Variants in TM4SF19 observed in about 807,000 individuals in gnomAD.
The protein encoded by TM4SF19 is transmembrane 4 L6 family member 19.
Under a neutral mutation model 21.8 loss-of-function variants are expected in TM4SF19, and 17 were observed. The observed-to-expected ratio is 0.78, with a 90% CI of 0.53 to 1.17. TM4SF19 has a LOEUF of 1.17. TM4SF19 is among the 50% of genes most tolerant of loss of function. The pLI is 0.00. For synonymous variants in TM4SF19, 107 were observed against 106.7 expected, an observed-to-expected ratio of 1.00 and a Z score of -0.02; for missense variants, 216 against 252.1, an observed-to-expected ratio of 0.86 and a Z score of 0.97.
Position 196,323,761 on chromosome 3 carries a change from G to T in TM4SF19, c.*56C>A, listed in dbSNP as rs567767623. On this transcript the variant is annotated 3_prime_UTR_variant, in exon 5 of 5. Transcript: ENST00000273695. ...ATTCGTACCCACTCCTTGTAGAAAG[G>T]ATTCAAGACAGCCGATGATGAAAAC... 1.9e-6 allele frequency: 3 copies of T among 1,613,842 alleles called. No homozygotes were observed. The highest frequency in any genetic ancestry group is 2.5e-6 in the Non-Finnish European group (3 of 1,179,988).
intron 1 of TM4SF19, among the ~76,000 whole-genome samples, chr3:196,337,548 T>C (rs4916486): frequency 0.98 from 149,289 of 152,292 alleles, 73,202 homozygotes; most frequent in East Asian, 1. Context: ...AGCAAAATGG[T>C]GGAGTTTAGC....
intron 1 of TM4SF19, among the ~76,000 whole-genome samples, chr3:196,330,080 C>T (rs1161224936): frequency 6.6e-6 from 1 of 152,004 alleles, no homozygotes. Flanking sequence ...CTATGTTGGC[C>T]AGGCTGGTCT....
intron 1 of TM4SF19, among the ~76,000 whole-genome samples, chr3:196,336,695 C>A (rs1727775060): frequency 6.6e-6 from 1 of 152,238 alleles, no homozygotes; most frequent in Admixed American, 6.5e-5. Flanking sequence ...AATTTGATAT[C>A]TGAAGAGACA....
chr3:196,324,169 A>T, intron 4 of TM4SF19, 102 bp downstream of exon 4: 1 of 1,474,696 alleles, frequency 6.8e-7, no homozygotes, highest in African/African-American at 1.4e-5. Context: ...GCAAGATGCT[A>T]GGATGTGTGA....
intron 1 of TM4SF19, among the ~76,000 whole-genome samples, chr3:196,331,383 T>G (rs555327954): frequency 3.6e-4 from 54 of 151,586 alleles, no homozygotes; most frequent in African/African-American, 1.1e-3. Flanking sequence ...CGTCATGACA[T>G]CCCCAGGAAG....
chr3:196,327,599 A>T lies in TM4SF19; in HGVS notation c.-1-8T>A. 1 of 1,612,334 alleles carries T rather than the reference A, an allele frequency of 6.2e-7. No homozygotes were observed. The highest frequency in any genetic ancestry group is 1.8e-4 in the Middle Eastern group (1 of 5,548). ...CAGGGAGAGGACACCATCCTGGAAC[A>T]GATAGAAAGGGAGTCGCAGCAGCTC... On this transcript the variant is annotated splice_polypyrimidine_tract_variant and splice_region_variant and intron_variant, in intron 1 of 4. Transcript: ENST00000273695.
intron 1 of TM4SF19, among the ~76,000 whole-genome samples, chr3:196,336,353 G>A (rs923739365): frequency 3.3e-5 from 5 of 152,084 alleles, no homozygotes; most frequent in Non-Finnish European, 2.9e-5. Flanking sequence ...AGCCACGCTG[G>A]TCTTGAACTC....
chr3:196,331,304 T>C (rs955167482), intron 1 of TM4SF19, among the ~76,000 whole-genome samples: 1 of 149,952 alleles, frequency 6.7e-6, no homozygotes, highest in Non-Finnish European at 1.5e-5. Flanking sequence ...TATACATATA[T>C]ATATGAATTA....
At chr3:196,335,524 G>A (rs1727719977) in intron 1 of TM4SF19, among the ~76,000 whole-genome samples, 1 of 149,198 alleles carries the variant, frequency 6.7e-6, no homozygotes, top group African/African-American at 2.5e-5. Flanking sequence ...AGAGAGGTGG[G>A]GTGCCCTGAG....
At chr3:196,334,110 T>G (rs141663276) in intron 1 of TM4SF19, among the ~76,000 whole-genome samples, 6 of 152,136 alleles carry the variant, frequency 3.9e-5, no homozygotes, top group African/African-American at 1.4e-4. Flanking sequence ...GTGTAAAATA[T>G]ATTTGTAACT....
At chr3:196,331,458 A>T (rs1248609895) in intron 1 of TM4SF19, among the ~76,000 whole-genome samples, 1 of 151,200 alleles carries the variant, frequency 6.6e-6, no homozygotes, top group Non-Finnish European at 1.5e-5. Context: ...CTATTTATTT[A>T]TTTATTTAAT....
At chr3:196,335,600 G>C (rs894737775) in intron 1 of TM4SF19, among the ~76,000 whole-genome samples, 1 of 151,558 alleles carries the variant, frequency 6.6e-6, no homozygotes, top group African/African-American at 2.4e-5. Flanking sequence ...CCTGGGGCAG[G>C]GTGGGGTCAG....
intron 1 of TM4SF19, among the ~76,000 whole-genome samples, chr3:196,335,751 C>T (rs914432509): frequency 6.6e-6 from 1 of 152,032 alleles, no homozygotes; most frequent in Non-Finnish European, 1.5e-5. Flanking sequence ...AGCCTGCCCA[C>T]ACTGCTGCGA....
intron 1 of TM4SF19, among the ~76,000 whole-genome samples, chr3:196,332,163 C>T (rs1638707750): frequency 1.3e-5 from 2 of 151,380 alleles, no homozygotes; most frequent in South Asian, 4.2e-4. Context: ...CCCAGCTACT[C>T]GGGAGGCTGA....
intron 1 of TM4SF19, among the ~76,000 whole-genome samples, chr3:196,332,506 A>AAT (rs564720419): frequency 0.03 from 4,504 of 149,806 alleles, 135 homozygotes; most frequent in African/African-American, 0.079. Context: ...GAAGAAAAAA[A>AAT]ATATATATAT....
intron 1 of TM4SF19, among the ~76,000 whole-genome samples, chr3:196,330,922 C>A (rs911177222): frequency 6.6e-6 from 1 of 152,136 alleles, no homozygotes; most frequent in Non-Finnish European, 1.5e-5. Context: ...CTCTTCCACT[C>A]CTTATGTTCC....
At chr3:196,335,693 C>G (rs1463926279) in intron 1 of TM4SF19, among the ~76,000 whole-genome samples, 1 of 151,968 alleles carries the variant, frequency 6.6e-6, no homozygotes, top group East Asian at 1.9e-4. Context: ...AGCAAGGAAC[C>G]TGTCCTGCTC....
In TM4SF19 at chr3:196,327,503, C is replaced by G. The variant is rs147419407; in HGVS notation, c.88G>C (p.Ala30Pro). ...AGGAGGAGTGCCACGTTGGCCCCAG[C>G]AGCAAACAGGGCTGCAGTCCCAAGG... ...LSLGTAALFA[A>P]GANVALLLPN... is the part of the protein sequence containing the mutation. The change falls in exon 2 of 5, where the codon GCT becomes CCT. Residue 30 changes from alanine to proline, a missense_variant. Transcript: ENST00000273695. The G allele has an allele frequency of 2.8e-3, 4,534 of 1,614,134 alleles. 11 individuals are homozygous for G. The highest frequency in any genetic ancestry group is 7.6e-3 in the Middle Eastern group (46 of 6,060).
intron 1 of TM4SF19, among the ~76,000 whole-genome samples, chr3:196,332,528 A>G (rs1727559748): frequency 1.3e-5 from 2 of 151,506 alleles, no homozygotes; most frequent in African/African-American, 4.8e-5. Flanking sequence ...TATAAAAGAT[A>G]TGGATCAGAG....
Sources: gnomAD v4.1 joint callset for allele counts (sites outside exome capture counted in the v4.1 genomes callset) on GRCh38, gnomAD v4.1.1 for gene constraint, MANE v1.5 for transcripts, NCBI Gene and HGNC (gene_info 2026-07-23, HGNC 2026-07-21) for gene names.